Variants in TMEM132D observed in about 807,000 individuals in gnomAD.
The protein encoded by TMEM132D is mature OL transmembrane protein.
Under a neutral mutation model 62.3 loss-of-function variants are expected in TMEM132D, and 21 were observed. The ratio of observed to expected loss-of-function variants is 0.34; its 90% CI spans 0.24 to 0.49. The LOEUF (loss-of-function observed/expected upper bound fraction) is 0.49. TMEM132D is among the 20% of genes least tolerant of loss of function. The pLI, the probability that TMEM132D is intolerant of heterozygous loss-of-function variation, is 0.99. For missense variants in TMEM132D, 1,346 were observed against 1,402.8 expected (o/e 0.96, Z 0.65); for synonymous variants, 621 against 575.6 (o/e 1.08, Z -1.13).
chr12:129,850,557 GT>G (rs1322553115), intron 1 of TMEM132D, among the ~76,000 whole-genome samples: 1 of 152,218 alleles, frequency 6.6e-6, no homozygotes, highest in Non-Finnish European at 1.5e-5. Flanking sequence ...TCCTGTAGTT[GT>G]TAACATTATT....
chr12:129,247,728 GT>G (rs1880158704), intron 4 of TMEM132D, among the ~76,000 whole-genome samples: 1 of 152,204 alleles, frequency 6.6e-6, no homozygotes, highest in Admixed American at 6.5e-5. Flanking sequence ...TAATAGGGGG[GT>G]GCCCCCTCAC....
chr12:129,217,959 C>T (rs548309513), intron 4 of TMEM132D, among the ~76,000 whole-genome samples: 65 of 152,230 alleles, frequency 4.3e-4, no homozygotes, highest in Non-Finnish European at 5.9e-4. Context: ...GGCACAATAA[C>T]GCTCTCCCCT....
At chr12:129,899,066 T>C (rs1178922140) in intron 1 of TMEM132D, among the ~76,000 whole-genome samples, 9 of 152,218 alleles carry the variant, frequency 5.9e-5, no homozygotes. Context: ...TGCTGAGCTC[T>C]GTGTTCACTG....
chr12:129,417,231 C>T (rs1872152953), intron 3 of TMEM132D, among the ~76,000 whole-genome samples: 1 of 151,850 alleles, frequency 6.6e-6, no homozygotes, highest in African/African-American at 2.4e-5. Flanking sequence ...CAGAAGAGCC[C>T]CTATAGCCAA....
At chr12:129,613,424 C>T (rs941296101) in intron 2 of TMEM132D, among the ~76,000 whole-genome samples, 3 of 152,186 alleles carry the variant, frequency 2.0e-5, no homozygotes, top group African/African-American at 7.2e-5. Flanking sequence ...CTCGTCTCAA[C>T]AGGGCGTCTT....
chr12:129,553,583 T>G (rs1593063711), intron 2 of TMEM132D, among the ~76,000 whole-genome samples: 1 of 152,126 alleles, frequency 6.6e-6, no homozygotes, highest in South Asian at 2.1e-4. Flanking sequence ...ACCTGCCCAT[T>G]TCCATGGTGT....
intron 5 of TMEM132D, among the ~76,000 whole-genome samples, chr12:129,179,393 C>T (rs565720660): frequency 1.3e-5 from 2 of 151,954 alleles, no homozygotes; most frequent in Middle Eastern, 3.4e-3. Flanking sequence ...AAGGAGATTC[C>T]AGAGCCTCCC....
chr12:129,513,911 G>A (rs11060383), intron 3 of TMEM132D, among the ~76,000 whole-genome samples: 2 of 147,114 alleles, frequency 1.4e-5, no homozygotes, highest in African/African-American at 2.5e-5. Context: ...GATCTCGGCT[G>A]ACTGCAAGCT....
intron 4 of TMEM132D, among the ~76,000 whole-genome samples, chr12:129,248,091 T>C (rs1880171412): frequency 6.6e-6 from 1 of 152,206 alleles, no homozygotes; most frequent in African/African-American, 2.4e-5. Flanking sequence ...AGCAAAGCGC[T>C]TTCACATAGA....
At chr12:129,580,565 G>A (rs987495227) in intron 2 of TMEM132D, among the ~76,000 whole-genome samples, 9 of 152,190 alleles carry the variant, frequency 5.9e-5, no homozygotes, top group South Asian at 2.1e-4. Context: ...TTAGCTGGGC[G>A]TGGTGGCATG....
At chr12:129,278,741 C>T (rs535404887) in intron 4 of TMEM132D, among the ~76,000 whole-genome samples, 26 of 152,280 alleles carry the variant, frequency 1.7e-4, no homozygotes, top group Middle Eastern at 3.4e-3. Context: ...AACCGCTAAA[C>T]GGGTCCCAAA....
At chr12:129,190,838 T>C (rs1878376241) in intron 5 of TMEM132D, among the ~76,000 whole-genome samples, 1 of 152,050 alleles carries the variant, frequency 6.6e-6, no homozygotes, top group African/African-American at 2.4e-5. Flanking sequence ...TAATACAGAT[T>C]CTGAGCCCAT....
At chr12:129,679,743 T>A (rs1030847867) in intron 2 of TMEM132D, among the ~76,000 whole-genome samples, 5 of 152,248 alleles carry the variant, frequency 3.3e-5, no homozygotes, top group African/African-American at 1.2e-4. Context: ...TTGTTTTCTA[T>A]CTTTGAACTT....
At chr12:129,728,401 G>A (rs1869111643) in intron 1 of TMEM132D, among the ~76,000 whole-genome samples, 2 of 152,146 alleles carry the variant, frequency 1.3e-5, no homozygotes, top group Admixed American at 1.3e-4. Flanking sequence ...CTTAATCTGA[G>A]TAATTATAAT....
intron 1 of TMEM132D, among the ~76,000 whole-genome samples, chr12:129,865,913 C>T (rs1249412232): frequency 2.0e-5 from 3 of 152,144 alleles, no homozygotes; most frequent in Non-Finnish European, 4.4e-5. Flanking sequence ...AGAGCTACAT[C>T]GTGGTGTGAC....
At chr12:129,881,598 A>G (rs1313059956) in intron 1 of TMEM132D, among the ~76,000 whole-genome samples, 1 of 152,078 alleles carries the variant, frequency 6.6e-6, no homozygotes, top group Non-Finnish European at 1.5e-5. Context: ...TCTAAATAAC[A>G]TGAATCATAA....
intron 4 of TMEM132D, among the ~76,000 whole-genome samples, chr12:129,254,104 T>G (rs924818247): frequency 6.6e-6 from 1 of 152,154 alleles, no homozygotes; most frequent in Non-Finnish European, 1.5e-5. Flanking sequence ...GATGCCTAAA[T>G]ACACGTATCC....
intron 4 of TMEM132D, among the ~76,000 whole-genome samples, chr12:129,221,856 G>T (rs1043538115): frequency 6.6e-6 from 1 of 152,060 alleles, no homozygotes; most frequent in Non-Finnish European, 1.5e-5. Context: ...TGGGCTGTGG[G>T]TTTTTTATTT....
At chr12:129,707,482 A>T (rs1881534365) in intron 1 of TMEM132D, among the ~76,000 whole-genome samples, 1 of 152,146 alleles carries the variant, frequency 6.6e-6, no homozygotes, top group African/African-American at 2.4e-5. Context: ...GACACACAGT[A>T]GCATAGAGGG....
Sources: gnomAD v4.1 joint callset for allele counts (sites outside exome capture counted in the v4.1 genomes callset) on GRCh38, gnomAD v4.1.1 for gene constraint, MANE v1.5 for transcripts, NCBI Gene and HGNC (gene_info 2026-07-23, HGNC 2026-07-21) for gene names.